The following ANKIB1 variants were observed in gnomAD, a reference collection of about 807,000 sequenced individuals.
ANKIB1 encodes ankyrin repeat and IBR domain containing 1, also known as ankyrin repeat and IBR domain-containing protein 1.
A neutral mutation model predicts 122.1 loss-of-function variants in ANKIB1; 43 were observed. That is an observed-to-expected ratio of 0.35 (90% confidence interval 0.28 to 0.45). The LOEUF (loss-of-function observed/expected upper bound fraction) is 0.45, where lower values mean the gene tolerates loss of function less well. Among genes scored for constraint, ANKIB1 ranks in the 20% least tolerant of loss-of-function variants. The probability of loss-of-function intolerance (pLI) is 1.00; values close to 1 mark genes in which losing one functional copy is unlikely to be tolerated. For synonymous variants in ANKIB1, 390 were observed against 442.0 expected, an observed-to-expected ratio of 0.88 and a Z score of 1.48; for missense variants, 992 against 1,329.5, an observed-to-expected ratio of 0.75 and a Z score of 3.95.
At chr7:92,387,224 C>T (rs1045850843) in intron 12 of ANKIB1, among the ~76,000 whole-genome samples, 1 of 152,100 alleles carries the variant, frequency 6.6e-6, no homozygotes, top group African/African-American at 2.4e-5. Flanking sequence ...CTTATTTAAC[C>T]TTTATCACCT....
chr7:92,284,856 T>C lies in ANKIB1; in HGVS notation c.-90-10033T>C, dbSNP rs1278778728. Among the ~76,000 whole-genome samples the C allele has an allele frequency of 2.0e-5, 3 of 152,374 alleles. No homozygotes were observed. The East Asian group carries it at 5.8e-4, about 29-fold the overall frequency. ...TTGATTTTTCTTGGAATGGCCTTTC[T>C]ATTCATTTTCCAGTGAACAACTGGT... On this transcript the variant is annotated intron_variant, in intron 1 of 19. Transcript: ENST00000265742.
At chr7:92,378,062 A>G (rs543370222) in intron 11 of ANKIB1, among the ~76,000 whole-genome samples, 68 of 152,330 alleles carry the variant, frequency 4.5e-4, no homozygotes, top group Non-Finnish European at 6.0e-4. Context: ...GTAAAAGTGC[A>G]GTAGTCCTAA....
intron 1 of ANKIB1, among the ~76,000 whole-genome samples, chr7:92,254,600 C>G (rs1417634340): frequency 1.3e-5 from 2 of 152,146 alleles, no homozygotes; most frequent in Admixed American, 1.3e-4. Context: ...AGCCATCTTT[C>G]AATATATTTG....
At chr7:92,352,972 A>G (rs1803697865) in intron 9 of ANKIB1, among the ~76,000 whole-genome samples, 1 of 152,200 alleles carries the variant, frequency 6.6e-6, no homozygotes, top group African/African-American at 2.4e-5. Flanking sequence ...TGGGATTAGA[A>G]CCCAGCTGTT....
chr7:92,352,192 A>G (rs969486372), intron 8 of ANKIB1, among the ~76,000 whole-genome samples: 2 of 152,352 alleles, frequency 1.3e-5, no homozygotes, highest in Admixed American at 6.5e-5. Context: ...TTTCTGTGCA[A>G]ACAATTACAT....
chr7:92,362,759 AATAC>A (rs1803981185), intron 10 of ANKIB1, among the ~76,000 whole-genome samples: 1 of 152,204 alleles, frequency 6.6e-6, no homozygotes, highest in Non-Finnish European at 1.5e-5. Flanking sequence ...GACTTCTGTA[AATAC>A]ATTATCTCTG....
chr7:92,306,401 A>G (rs1345929164), intron 2 of ANKIB1, among the ~76,000 whole-genome samples: 6 of 152,132 alleles, frequency 3.9e-5, no homozygotes, highest in Admixed American at 1.3e-4. Flanking sequence ...CAACTCACCT[A>G]GACCTATCTT....
intron 1 of ANKIB1, among the ~76,000 whole-genome samples, chr7:92,273,601 G>A (rs928366109): frequency 6.6e-6 from 1 of 152,100 alleles, no homozygotes; most frequent in African/African-American, 2.4e-5. Context: ...GAAAACAGGT[G>A]GAAGATTATA....
chr7:92,374,982 T>C (rs1486678344), intron 11 of ANKIB1, among the ~76,000 whole-genome samples: 3 of 150,166 alleles, frequency 2.0e-5, no homozygotes, highest in African/African-American at 7.6e-5. Flanking sequence ...ACCACTGCAG[T>C]GAAGCAGATA....
intron 5 of ANKIB1, among the ~76,000 whole-genome samples, chr7:92,329,180 C>A (rs1053298291): frequency 6.6e-6 from 1 of 151,948 alleles, no homozygotes; most frequent in African/African-American, 2.4e-5. Flanking sequence ...GTTGGCCAGG[C>A]TGGTCTCTAA....
intron 1 of ANKIB1, among the ~76,000 whole-genome samples, chr7:92,248,890 T>TTC (rs1182888153): frequency 1.4e-5 from 2 of 143,892 alleles, no homozygotes; most frequent in African/African-American, 2.5e-5. Context: ...TTTTCTTTCT[T>TTC]TTTTTTTTTT....
intron 1 of ANKIB1, among the ~76,000 whole-genome samples, chr7:92,263,108 T>C (rs911773400): frequency 1.3e-5 from 2 of 152,200 alleles, no homozygotes; most frequent in African/African-American, 4.8e-5. Context: ...TGATTTCTTA[T>C]TGTAAAATGT....
chr7:92,356,092 G>C (rs1303668876), intron 9 of ANKIB1, among the ~76,000 whole-genome samples: 4 of 152,106 alleles, frequency 2.6e-5, no homozygotes, highest in Admixed American at 6.6e-5. Context: ...TTGGAGAAAA[G>C]TCTGAAAGTG....
intron 11 of ANKIB1, among the ~76,000 whole-genome samples, chr7:92,386,069 G>A (rs568763685): frequency 6.6e-5 from 10 of 152,210 alleles, no homozygotes; most frequent in South Asian, 2.1e-4. Flanking sequence ...ATGGGAAACC[G>A]TTTTTATATC....
chr7:92,322,386 T>C (rs1414966188), intron 4 of ANKIB1, among the ~76,000 whole-genome samples: 1 of 152,140 alleles, frequency 6.6e-6, no homozygotes, highest in Non-Finnish European at 1.5e-5. Context: ...GAAAAACTAC[T>C]ATGTACAAGA....
In ANKIB1 at chr7:92,390,128, T is replaced by G; in HGVS notation, c.2052+12T>G. 6.5e-7 allele frequency: 1 copy of G among 1,538,426 alleles called. No homozygotes were observed. The highest frequency in any genetic ancestry group is 8.7e-7 in the Non-Finnish European group (1 of 1,145,046). ...TTGAACTAATGCAAGTAAGATTTTT[T>G]TAATTACATTTAAATGGCAGCAGTT... is the stretch of plus-strand genomic sequence containing the variant. On this transcript the variant is annotated intron_variant, in intron 15 of 19. Transcript: ENST00000265742.
intron 11 of ANKIB1, among the ~76,000 whole-genome samples, chr7:92,379,187 G>A (rs1289400907): frequency 3.3e-5 from 5 of 152,178 alleles, no homozygotes; most frequent in Admixed American, 2.6e-4. Context: ...TCAGGAGATC[G>A]AGACCATCCT....
chr7:92,256,877 T>C (rs1024809909), intron 1 of ANKIB1, among the ~76,000 whole-genome samples: 3 of 152,146 alleles, frequency 2.0e-5, no homozygotes, highest in African/African-American at 4.8e-5. Flanking sequence ...GAAAAATAAA[T>C]GTTGGGTTAG....
At chr7:92,262,225 T>C (rs1801580740) in intron 1 of ANKIB1, among the ~76,000 whole-genome samples, 1 of 152,228 alleles carries the variant, frequency 6.6e-6, no homozygotes, top group Non-Finnish European at 1.5e-5. Context: ...TAGAATGTGC[T>C]TAATGCTAAG....
Sources: allele counts gnomAD v4.1 joint callset (sites outside exome capture counted in the v4.1 genomes callset), GRCh38; gene constraint gnomAD v4.1.1; transcripts MANE v1.5; gene names NCBI Gene and HGNC (gene_info 2026-07-23, HGNC 2026-07-21).